The following ELF2 variants were observed in gnomAD, a reference collection of about 807,000 sequenced individuals.
The protein encoded by ELF2 is ETS-related transcription factor Elf-2.
ELF2 carries 11 observed loss-of-function variants against 54.8 expected under a neutral mutation model. That is an observed-to-expected ratio of 0.20 (90% CI 0.13 to 0.33). The LOEUF is 0.33. ELF2 is among the 10% of genes least tolerant of loss of function. The pLI, the probability that ELF2 is intolerant of heterozygous loss-of-function variation, is 1.00. For synonymous variants in ELF2, 203 were observed against 245.1 expected (o/e 0.83, Z 1.61); for missense variants, 513 against 703.0 (o/e 0.73, Z 3.06).
At chr4:139,074,249 G>A (rs1729949893) in intron 4 of ELF2, among the ~76,000 whole-genome samples, 1 of 152,214 alleles carries the variant, frequency 6.6e-6, no homozygotes, top group African/African-American at 2.4e-5. Flanking sequence ...CTTGTGGGAA[G>A]GGAGGAAGGG....
At chr4:139,140,187 C>G (rs1361438858) in intron 1 of ELF2, among the ~76,000 whole-genome samples, 2 of 152,166 alleles carry the variant, frequency 1.3e-5, no homozygotes, top group African/African-American at 4.8e-5. Flanking sequence ...GGTGATTCTG[C>G]CACCTCAGCC....
At chr4:139,159,189 C>G (rs544818926) in intron 1 of ELF2, among the ~76,000 whole-genome samples, 9 of 152,210 alleles carry the variant, frequency 5.9e-5, no homozygotes, top group African/African-American at 2.2e-4. Context: ...TGGGCAGGGG[C>G]AAACCCCCGA....
At chr4:139,071,200 A>C (rs1348783172) in intron 6 of ELF2, among the ~76,000 whole-genome samples, 1 of 152,116 alleles carries the variant, frequency 6.6e-6, no homozygotes, top group Non-Finnish European at 1.5e-5. Context: ...AGTGTTTCAA[A>C]GCAGAAGGTA....
chr4:139,079,714 C>T (rs1236509868), intron 4 of ELF2, among the ~76,000 whole-genome samples: 1 of 152,144 alleles, frequency 6.6e-6, no homozygotes, highest in Non-Finnish European at 1.5e-5. Flanking sequence ...GATTTCAAGA[C>T]CAGCCTGGCC....
chr4:139,083,917 C>T (rs1393487220), intron 4 of ELF2, among the ~76,000 whole-genome samples: 2 of 152,206 alleles, frequency 1.3e-5, no homozygotes, highest in African/African-American at 4.8e-5. Flanking sequence ...GAAGCGACAG[C>T]GCCGGATTCG....
At chr4:139,059,743 CTGATGTT>C in intron 9 of ELF2, 136 bp from the exon 10 acceptor site, 1 of 974,368 alleles carries the variant, frequency 1.0e-6, no homozygotes, top group South Asian at 1.7e-5. Flanking sequence ...CTGGCAATCC[CTGATGTT>C]TGACACAAAC....
At chr4:139,106,142 A>G (rs1378815204) in intron 4 of ELF2, among the ~76,000 whole-genome samples, 2 of 152,234 alleles carry the variant, frequency 1.3e-5, no homozygotes, top group African/African-American at 4.8e-5. Context: ...AATATTTAAT[A>G]AACATTTAAA....
At chr4:139,063,149 T>A (rs1260084534) in intron 7 of ELF2, among the ~76,000 whole-genome samples, 1 of 152,060 alleles carries the variant, frequency 6.6e-6, no homozygotes, top group Non-Finnish European at 1.5e-5. Context: ...TCCCAGTTAC[T>A]TGGGAGGCTG....
chr4:139,075,381 A>C (rs752959748), intron 4 of ELF2, among the ~76,000 whole-genome samples: 1 of 152,210 alleles, frequency 6.6e-6, no homozygotes, highest in Non-Finnish European at 1.5e-5. Context: ...CCATCTTTAC[A>C]TATGCCATGG....
At chr4:139,085,659 C>A (rs1731902007) in intron 4 of ELF2, among the ~76,000 whole-genome samples, 1 of 152,226 alleles carries the variant, frequency 6.6e-6, no homozygotes. Context: ...AAAGAACCTA[C>A]ATGCTATTTC....
chr4:139,082,397 C>A (rs1163904451), intron 4 of ELF2, among the ~76,000 whole-genome samples: 1 of 152,186 alleles, frequency 6.6e-6, no homozygotes. Context: ...TGCTCTCTTA[C>A]TAAACTTAAG....
chr4:139,092,413 ATACATAACATAACAT>A lies in ELF2; in HGVS notation c.239-18861_239-18847del, dbSNP rs1304468968. Among the ~76,000 whole-genome samples the A allele has an allele frequency of 3.0e-4, 16 of 53,586 alleles. No homozygotes were observed. The East Asian group carries it at 3.6e-3, about 12-fold the overall frequency. 35.2% of individuals were successfully genotyped at this position (53,586 alleles called of 152,430 possible). A position where few individuals can be genotyped will look rare whatever the true frequency, so the allele number is the denominator to read the frequency against. On this transcript the variant is annotated intron_variant, in intron 4 of 9. Transcript: ENST00000686138. Reference sequence around the variant, plus strand: ...ATAACATAACATAACATAACATAACATACATAACATAACATAACATAACATAACATAACATAACAT... The same window carrying A: ...ATAACATAACATAACATAACATAACAAACATAACATAACATAACATAACAT...
chr4:139,095,215 C>T (rs563114268), intron 4 of ELF2, among the ~76,000 whole-genome samples: 2 of 145,924 alleles, frequency 1.4e-5, no homozygotes, highest in Non-Finnish European at 3.0e-5. Flanking sequence ...GACAGAGTCT[C>T]ATTCTGTTGC....
intron 4 of ELF2, among the ~76,000 whole-genome samples, chr4:139,095,488 A>G (rs954854879): frequency 5.3e-5 from 8 of 152,020 alleles, no homozygotes; most frequent in African/African-American, 1.9e-4. Flanking sequence ...CCAGCCTGCT[A>G]TAGATTTTTA....
chr4:139,168,865 G>A (rs540597110), intron 1 of ELF2, among the ~76,000 whole-genome samples: 1 of 152,080 alleles, frequency 6.6e-6, no homozygotes, highest in Admixed American at 6.5e-5. Context: ...ACTGTGCCTG[G>A]GTCCAAAGAA....
chr4:139,169,115 G>T (rs1418951416), intron 1 of ELF2, among the ~76,000 whole-genome samples: 1 of 151,674 alleles, frequency 6.6e-6, no homozygotes, highest in Non-Finnish European at 1.5e-5. Context: ...TGGGAGGCCA[G>T]GGCAGGCAGA....
chr4:139,073,565 C>A lies in ELF2; in HGVS notation c.241G>T (p.Glu81Ter). The part of the protein sequence containing the change: ...EVETENVETV[E>*]ASVHSSNAHC... ...GCATTACTGCTGTGAACTGATGCTT[C>A]CACTGGAGGAAAAATAAGTTCTACT... Residue 81 changes from glutamate (E) to a stop codon, truncating the protein, a stop_gained and splice_region_variant, in exon 5 of 10, where the codon GAA becomes TAA. Transcript: ENST00000686138. LOFTEE classifies it high-confidence loss of function. 1 of 1,514,580 alleles carries A rather than the reference C, an allele frequency of 6.6e-7. No homozygotes were observed. Among genetic ancestry groups the A allele is most frequent in the South Asian group, 1.3e-5 (1 of 74,752 alleles). The allele number at this position is 1,514,580 out of a possible 1,614,324, so 93.8% of individuals were successfully genotyped here. A position where few individuals can be genotyped will look rare whatever the true frequency, so the allele number is the denominator to read the frequency against.
chr4:139,108,714 C>A (rs1734663836), intron 4 of ELF2, among the ~76,000 whole-genome samples: 1 of 151,770 alleles, frequency 6.6e-6, no homozygotes, highest in Admixed American at 6.6e-5. Flanking sequence ...AAGAAGGCAA[C>A]AAAACATACC....
At chr4:139,129,916 C>T (rs961744083) in intron 3 of ELF2, among the ~76,000 whole-genome samples, 1 of 152,114 alleles carries the variant, frequency 6.6e-6, no homozygotes, top group Non-Finnish European at 1.5e-5. Flanking sequence ...AACCCCAACC[C>T]ACCTGTCATG....
Sources: allele counts gnomAD v4.1 joint callset (sites outside exome capture counted in the v4.1 genomes callset), GRCh38; gene constraint gnomAD v4.1.1; transcripts MANE v1.5; gene names NCBI Gene and HGNC (gene_info 2026-07-23, HGNC 2026-07-21).